The following WDR44 variants were observed in gnomAD, a reference collection of about 807,000 sequenced individuals.
WDR44 encodes the protein WD repeat-containing protein 44.
In WDR44, 9 loss-of-function variants were observed where a neutral mutation model predicts 65.7. That is an observed-to-expected ratio of 0.14 (90% confidence interval 0.08 to 0.24). WDR44 has a LOEUF of 0.24. Ranked by LOEUF, WDR44 falls within the 10% of genes least tolerant of loss-of-function variation. WDR44 has a pLI of 1.00. For missense variants in WDR44, 425 were observed against 670.9 expected (o/e 0.63, Z 4.05); for synonymous variants, 220 against 235.2 (o/e 0.94, Z 0.59).
intron 1 of WDR44, among the ~76,000 whole-genome samples, chrX:118,376,171 C>G (rs748407399): frequency 8.1e-5 from 9 of 111,655 alleles, no homozygotes; most frequent in Admixed American, 3.8e-4. Flanking sequence ...CTCCTGAGAT[C>G]AAGCAATCCT....
chrX:118,406,768 T>G, intron 9 of WDR44, 107 bp from the exon 10 acceptor site: 1 of 772,401 alleles, frequency 1.3e-6, no homozygotes, highest in East Asian at 3.3e-5. Context: ...ATAAATAAAT[T>G]TTGCTCTTCC....
intron 1 of WDR44, among the ~76,000 whole-genome samples, chrX:118,358,221 A>G (rs1222207875): frequency 8.9e-6 from 1 of 112,265 alleles, no homozygotes; most frequent in East Asian, 2.8e-4. Context: ...AGGAAGTGTT[A>G]TCTTTCTTTT....
Position 118,346,402 on chromosome X carries a change from C to G in WDR44, c.-102C>G. 2 of 721,814 alleles carry G rather than the reference C, an allele frequency of 2.8e-6. No homozygotes were observed. Among genetic ancestry groups the G allele is most frequent in the Non-Finnish European group, 4.4e-6 (2 of 458,145 alleles). 59.5% of individuals were successfully genotyped at this position (721,814 alleles called of 1,213,427 possible). A position where few individuals can be genotyped will look rare whatever the true frequency, so the allele number is the denominator to read the frequency against. On this transcript the variant is annotated 5_prime_UTR_variant, in exon 1 of 20. Coordinates refer to ENST00000254029, the MANE Select transcript of WDR44 (RefSeq NM_019045.5). Reference sequence around the variant, plus strand: ...TGCTCCCTCAGCCTCGCCCGAGACCCACTTCCCCAGTCTCGCCCGGGTGGA... The same window carrying G: ...TGCTCCCTCAGCCTCGCCCGAGACCGACTTCCCCAGTCTCGCCCGGGTGGA...
intron 4 of WDR44, among the ~76,000 whole-genome samples, chrX:118,393,742 A>C (rs1185555984): frequency 8.9e-6 from 1 of 112,282 alleles, no homozygotes; most frequent in Non-Finnish European, 1.9e-5. Context: ...AAAATGTAAA[A>C]ATGTTTACAT....
chrX:118,348,063 G>T (rs2056369133), intron 1 of WDR44, among the ~76,000 whole-genome samples: 1 of 111,372 alleles, frequency 9.0e-6, no homozygotes, highest in Non-Finnish European at 1.9e-5. Flanking sequence ...GTATTGGGGT[G>T]GGGGAGGGAA....
At chrX:118,356,620 A>G (rs890963134) in intron 1 of WDR44, among the ~76,000 whole-genome samples, 5 of 109,189 alleles carry the variant, frequency 4.6e-5, no homozygotes, top group African/African-American at 6.7e-5. Flanking sequence ...TCAAACCTCT[A>G]TTGGCTTTCA....
chrX:118,430,481 G>T (rs1196229340), intron 12 of WDR44, among the ~76,000 whole-genome samples: 3 of 107,264 alleles, frequency 2.8e-5, no homozygotes, highest in Non-Finnish European at 5.8e-5. Context: ...GGCAGAGGTT[G>T]CAGTGAGCCG....
chrX:118,368,515 C>T (rs1311540872), intron 1 of WDR44, among the ~76,000 whole-genome samples: 1 of 89,373 alleles, frequency 1.1e-5, no homozygotes, highest in African/African-American at 5.0e-5. Context: ...CCTCCAGCTC[C>T]TTCTGAAGCC....
At position 118,410,943 on chromosome X, in the gene WDR44, C is replaced by T; in HGVS notation, c.1721C>T (p.Ser574Leu). 1 of 1,196,860 alleles carries T rather than the reference C, an allele frequency of 8.4e-7. No individual in the cohort carries two copies. The highest frequency in any genetic ancestry group is 1.1e-6 in the Non-Finnish European group (1 of 888,463). Reference sequence around the variant, plus strand: ...CAGGAAAGTCTAAGTTCATCAAAATCGGATACAGATACAGGGGTATGCTTA... The same window carrying T: ...CAGGAAAGTCTAAGTTCATCAAAATTGGATACAGATACAGGGGTATGCTTA... ...PSQESLSSSK[S>L]DTDTGVCSGT... Residue 574 changes from serine (S) to leucine (L), a missense_variant, in exon 12 of 20, where the codon TCG becomes TTG. Transcript: ENST00000254029.
At chrX:118,394,006 A>C (rs1194200447) in intron 4 of WDR44, 49 bp from the exon 5 acceptor site, 5 of 1,113,032 alleles carry the variant, frequency 4.5e-6, no homozygotes, top group Non-Finnish European at 6.1e-6. Context: ...TTGTTACAAG[A>C]ATCAAACAAA....
intron 2 of WDR44, among the ~76,000 whole-genome samples, chrX:118,382,754 G>T (rs965786297): frequency 5.4e-5 from 6 of 111,922 alleles, no homozygotes; most frequent in Admixed American, 9.5e-5. Context: ...GGAGGTAACT[G>T]TTACATGAAT....
At chrX:118,396,179 A>G (rs1239678195) in intron 6 of WDR44, among the ~76,000 whole-genome samples, 1 of 111,910 alleles carries the variant, frequency 8.9e-6, no homozygotes, top group Non-Finnish European at 1.9e-5. Flanking sequence ...TTTTACAGCA[A>G]AATCTTAGTT....
In WDR44 at chrX:118,432,935, T is replaced by A. The variant is rs752462278; in HGVS notation, c.1851+41T>A. 16 of 1,101,881 alleles carry A rather than the reference T, an allele frequency of 1.5e-5. No individual in the cohort carries two copies. In the South Asian group the frequency reaches 2.8e-4, roughly 20 times the overall value. 90.8% of individuals were successfully genotyped at this position (1,101,881 alleles called of 1,213,427 possible). A position where few individuals can be genotyped will look rare whatever the true frequency, so the allele number is the denominator to read the frequency against. ...TTGAATCATATAGTAATTCTGCGTA[T>A]AAGGAGCTGATGCTGTAGTCTTAAA... is the stretch of plus-strand genomic sequence containing the variant. On this transcript the variant is annotated intron_variant, in intron 13 of 19. Coordinates refer to ENST00000254029, the MANE Select transcript of WDR44 (RefSeq NM_019045.5).
intron 1 of WDR44, among the ~76,000 whole-genome samples, chrX:118,374,100 C>A (rs1253030510): frequency 9.2e-6 from 1 of 108,987 alleles, no homozygotes; most frequent in Non-Finnish European, 1.9e-5. Context: ...CCCCCCACCC[C>A]CTGACAGGCC....
intron 1 of WDR44, among the ~76,000 whole-genome samples, chrX:118,375,484 C>A (rs1406880088): frequency 9.8e-6 from 1 of 102,362 alleles, no homozygotes; most frequent in Admixed American, 1.1e-4. Flanking sequence ...GAGTTCAAGA[C>A]CAGCCTGGGC....
chrX:118,386,787 A>G (rs1054016531), intron 2 of WDR44, among the ~76,000 whole-genome samples: 35 of 111,933 alleles, frequency 3.1e-4, no homozygotes, highest in Non-Finnish European at 6.0e-4. Flanking sequence ...TAAATATCCT[A>G]TTGCAGAATA....
chrX:118,398,918 G>GTAA (rs2056889344), intron 8 of WDR44, among the ~76,000 whole-genome samples: 1 of 111,582 alleles, frequency 9.0e-6, no homozygotes, highest in Non-Finnish European at 1.9e-5. Context: ...AAAAAAAATG[G>GTAA]TAATAATAAT....
intron 1 of WDR44, among the ~76,000 whole-genome samples, chrX:118,350,169 G>C (rs1237913295): frequency 8.9e-6 from 1 of 112,013 alleles, no homozygotes; most frequent in Non-Finnish European, 1.9e-5. Flanking sequence ...TTGTCAGATA[G>C]GAATTTTGCA....
At chrX:118,367,690 A>G (rs1362258212) in intron 1 of WDR44, among the ~76,000 whole-genome samples, 1 of 111,665 alleles carries the variant, frequency 9.0e-6, no homozygotes, top group Non-Finnish European at 1.9e-5. Flanking sequence ...AATACCTGGG[A>G]CCATGCCAGG....
Sources: gnomAD v4.1 joint callset for allele counts (sites outside exome capture counted in the v4.1 genomes callset) on GRCh38, gnomAD v4.1.1 for gene constraint, MANE v1.5 for transcripts, NCBI Gene and HGNC (gene_info 2026-07-23, HGNC 2026-07-21) for gene names.